Variants in TANC1 observed in about 807,000 individuals in gnomAD.
TANC1 encodes the protein protein TANC1.
In TANC1, 77 loss-of-function variants were observed where a neutral mutation model predicts 149.7. That is an observed-to-expected ratio of 0.51 (90% CI 0.43 to 0.62). The LOEUF is 0.62. Ranked by LOEUF, TANC1 falls within the 20% of genes least tolerant of loss-of-function variation. TANC1 has a pLI of 0.00. For missense variants in TANC1, 1,985 were observed against 2,321.8 expected, an observed-to-expected ratio of 0.85 and a Z score of 2.98; for synonymous variants, 854 against 925.0, an observed-to-expected ratio of 0.92 and a Z score of 1.39.
intron 5 of TANC1, among the ~76,000 whole-genome samples, chr2:159,146,995 G>C (rs546576668): frequency 2.6e-4 from 40 of 152,280 alleles, no homozygotes; most frequent in African/African-American, 9.1e-4. Flanking sequence ...CAGTGTGGAG[G>C]CAGCAGCCAC....
In TANC1 at chr2:159,130,858, C is replaced by G. The variant is rs536554951; in HGVS notation, c.260-5336C>G. 3.9e-5 allele frequency among the ~76,000 whole-genome samples: 6 copies of G among 152,254 alleles called. No individual in the cohort carries two copies. In the South Asian group the frequency reaches 1.2e-3, roughly 32 times the overall value. On this transcript the variant is annotated intron_variant, in intron 4 of 26. Transcript: ENST00000263635. ...ACCGTGCCCAACTCAGAGTTCCTTT[C>G]TTAATCTGTGTCAGTTGCTGTCTTT...
At chr2:158,985,705 G>A (rs1464242509) in intron 1 of TANC1, among the ~76,000 whole-genome samples, 2 of 152,006 alleles carry the variant, frequency 1.3e-5, no homozygotes, top group South Asian at 2.1e-4. Flanking sequence ...GTGCAGTGGC[G>A]TGATCTCGGT....
At position 159,102,939 on chromosome 2, in the gene TANC1, C is replaced by G. The variant is rs182788851; in HGVS notation, c.259+5105C>G. Among the ~76,000 whole-genome samples the G allele has an allele frequency of 8.1e-5, 7 of 86,692 alleles. 2 individuals are homozygous for G. Among genetic ancestry groups the G allele is most frequent in the Non-Finnish European group, 1.9e-4 (6 of 31,550 alleles). 56.9% of individuals were successfully genotyped at this position (86,692 alleles called of 152,430 possible). A position where few individuals can be genotyped will look rare whatever the true frequency, so the allele number is the denominator to read the frequency against. ...TTCACCGTGTTAGCCAGGATGGTCT[C>G]GATCTCCTGATCCCACGATCCGCCC... On this transcript the variant is annotated intron_variant, in intron 4 of 26. Coordinates refer to ENST00000263635, the MANE Select transcript of TANC1 (RefSeq NM_033394.3).
At chr2:159,224,655 G>A in intron 23 of TANC1, 1 of 344,996 alleles carries the variant, frequency 2.9e-6, no homozygotes, top group East Asian at 5.0e-5. Flanking sequence ...CTGTGGGGTG[G>A]GGCCGGGTAG....
At chr2:159,099,290 C>G (rs1014244361) in intron 4 of TANC1, among the ~76,000 whole-genome samples, 1 of 151,966 alleles carries the variant, frequency 6.6e-6, no homozygotes, top group African/African-American at 2.4e-5. Context: ...CTGGAATGTC[C>G]GTCCTTCCTT....
At chr2:158,976,476 T>G (rs1363832322) in intron 1 of TANC1, among the ~76,000 whole-genome samples, 6 of 152,226 alleles carry the variant, frequency 3.9e-5, no homozygotes, top group African/African-American at 1.4e-4. Context: ...TTTAAAAAGA[T>G]TCTTGCAAAG....
chr2:159,065,802 T>G, intron 2 of TANC1, 94 bp from the exon 3 acceptor site: 2 of 976,366 alleles, frequency 2.0e-6, no homozygotes, highest in Non-Finnish European at 3.2e-6. Context: ...GCGGTCTGTT[T>G]GTTTGAACAC....
chr2:159,169,414 C>G, intron 9 of TANC1, 42 bp downstream of exon 9: 1 of 1,599,908 alleles, frequency 6.3e-7, no homozygotes, highest in Non-Finnish European at 8.5e-7. Context: ...TTATGACTAA[C>G]TCAGTCAGTA....
intron 5 of TANC1, among the ~76,000 whole-genome samples, chr2:159,145,245 T>G (rs1047921457): frequency 1.3e-5 from 2 of 152,204 alleles, no homozygotes; most frequent in African/African-American, 4.8e-5. Flanking sequence ...AGAAAAATTA[T>G]GAACAGAAAG....
At chr2:159,219,448 T>G in intron 21 of TANC1, 87 bp downstream of exon 21, 4 of 1,568,072 alleles carry the variant, frequency 2.6e-6, no homozygotes, top group Non-Finnish European at 3.5e-6. Context: ...TGATTCAAAT[T>G]CTAAGTTTTC....
chr2:159,132,655 ATTTTTTTT>A (rs35719354), intron 4 of TANC1, among the ~76,000 whole-genome samples: 35 of 127,266 alleles, frequency 2.8e-4, no homozygotes, highest in Non-Finnish European at 4.6e-4. Flanking sequence ...CACCCAGCTA[ATTTTTTTT>A]TTTTTTTTTT....
chr2:158,981,528 T>TATATATATATATAC (rs2034369326), intron 1 of TANC1, among the ~76,000 whole-genome samples: 2 of 114,544 alleles, frequency 1.7e-5, no homozygotes, highest in African/African-American at 6.6e-5. Flanking sequence ...TATATATATA[T>TATATATATATATAC]ATATATATAT....
chr2:159,149,298 T>C, intron 6 of TANC1, 26 bp downstream of exon 6: 2 of 1,613,974 alleles, frequency 1.2e-6, no homozygotes, highest in Non-Finnish European at 1.7e-6. Context: ...GACACTACAT[T>C]GCATACCTCT....
chr2:159,227,820 A>C lies in TANC1; in HGVS notation c.3905A>C (p.Lys1302Thr). The change falls in exon 25 of 27, where the codon AAA becomes ACA. Residue 1302 changes from lysine (K) to threonine (T), a missense_variant and splice_region_variant. Lys to Thr is a moderately conservative substitution (Grantham distance 78). Coordinates refer to ENST00000263635, the MANE Select transcript of TANC1 (RefSeq NM_033394.3). ...ATGTTTGTGATTTTTGAATCCTAGA[A>C]AGGGAAAATGAAAGAGGCAGCCCAG... ...LMEEGNVMYK[K>T]GKMKEAAQRY... 6.2e-7 allele frequency: 1 copy of C among 1,613,310 alleles called. No homozygotes were observed. Among genetic ancestry groups the C allele is most frequent in the Non-Finnish European group, 8.5e-7 (1 of 1,179,826 alleles).
rs549656295 is a variant in TANC1 at position 159,116,574 on chromosome 2, G to T, written c.259+18740G>T. On this transcript the variant is annotated intron_variant, in intron 4 of 26. Coordinates refer to ENST00000263635, the MANE Select transcript of TANC1 (RefSeq NM_033394.3). ...ATAGTAAATATCTCAGGCTTTGAGG[G>T]CCACACAGTCCCTGTTGCGACTATG... Among the ~76,000 whole-genome samples, 13 of 152,264 alleles carry T rather than the reference G, an allele frequency of 8.5e-5. No individual in the cohort carries two copies. The East Asian group carries it at 1.3e-3, about 16-fold the overall frequency.
rs1344295313 is a variant in TANC1 at position 159,186,953 on chromosome 2, A to G, written c.2671A>G (p.Ile891Val). Reference sequence around the variant, plus strand: ...TTCAAGCCATCTCCAAGCCCTGTGGATCGGCTACAGCACCGAGGGGCTGTC... The same window carrying G: ...TTCAAGCCATCTCCAAGCCCTGTGGGTCGGCTACAGCACCGAGGGGCTGTC... ...ISSSHLQALW[I>V]GYSTEGLSAA... Residue 891 changes from isoleucine to valine, a missense_variant, in exon 16 of 27, where the codon ATC becomes GTC. Transcript: ENST00000263635. 1.2e-6 allele frequency: 2 copies of G among 1,614,166 alleles called. No individual in the cohort carries two copies. The highest frequency in any genetic ancestry group is 1.7e-6 in the Non-Finnish European group (2 of 1,180,000).
Position 159,224,411 on chromosome 2 carries a change from G to A in TANC1, c.3811+47G>A, listed in dbSNP as rs371736917. 2.7e-5 allele frequency: 43 copies of A among 1,610,626 alleles called. No individual in the cohort carries two copies. In the Middle Eastern group the frequency reaches 5.0e-4, roughly 19 times the overall value. Reference sequence around the variant, plus strand: ...TGAGCAGGAGGAGCGGTGAGCTCCCGATTGTAGAAGCCTAGACAGCACAGA... The same window carrying A: ...TGAGCAGGAGGAGCGGTGAGCTCCCAATTGTAGAAGCCTAGACAGCACAGA... On this transcript the variant is annotated intron_variant, in intron 23 of 26. Transcript: ENST00000263635.
At chr2:159,061,104 A>G (rs1227908421) in intron 2 of TANC1, among the ~76,000 whole-genome samples, 1 of 152,244 alleles carries the variant, frequency 6.6e-6, no homozygotes, top group Non-Finnish European at 1.5e-5. Flanking sequence ...GAATGATAGT[A>G]GAAATTTAGG....
At chr2:158,999,765 G>C (rs567983264) in intron 1 of TANC1, among the ~76,000 whole-genome samples, 4 of 152,348 alleles carry the variant, frequency 2.6e-5, no homozygotes, top group African/African-American at 9.6e-5. Context: ...TTTCAGAACA[G>C]AAAGTAGGTC....
Sources: allele counts gnomAD v4.1 joint callset (sites outside exome capture counted in the v4.1 genomes callset), GRCh38; gene constraint gnomAD v4.1.1; transcripts MANE v1.5; gene names NCBI Gene and HGNC (gene_info 2026-07-23, HGNC 2026-07-21).